The following PODXL variants were observed in gnomAD, a reference collection of about 807,000 sequenced individuals.
PODXL encodes podocalyxin.
Under a neutral mutation model 48.9 loss-of-function variants are expected in PODXL, and 20 were observed. That is an observed-to-expected ratio of 0.41 (90% CI 0.29 to 0.59). The LOEUF (loss-of-function observed/expected upper bound fraction) is 0.59, where lower values mean the gene tolerates loss of function less well. PODXL is among the 20% of genes least tolerant of loss of function. The probability of loss-of-function intolerance (pLI) is 0.31; values close to 1 mark genes in which losing one functional copy is unlikely to be tolerated. For missense variants in PODXL, 606 were observed against 675.1 expected (o/e 0.90, Z 1.13); for synonymous variants, 295 against 287.4 (o/e 1.03, Z -0.27).
intron 1 of PODXL, among the ~76,000 whole-genome samples, chr7:131,521,192 A>C (rs1031596892): frequency 5.8e-4 from 88 of 151,386 alleles, no homozygotes; most frequent in African/African-American, 2.1e-3. Context: ...CCAAAAAGTT[A>C]AGACTTTTCT....
intron 1 of PODXL, among the ~76,000 whole-genome samples, chr7:131,516,974 C>A (rs1346597898): frequency 2.0e-5 from 3 of 152,106 alleles, no homozygotes; most frequent in Non-Finnish European, 4.4e-5. Flanking sequence ...TCTACCTCAG[C>A]CTCCCAAATT....
intron 1 of PODXL, among the ~76,000 whole-genome samples, chr7:131,518,844 G>A (rs1447144760): frequency 6.6e-6 from 1 of 152,170 alleles, no homozygotes; most frequent in Non-Finnish European, 1.5e-5. Flanking sequence ...GATCCACAGC[G>A]CCATCATTAG....
chr7:131,524,781 C>T (rs1798154045), intron 1 of PODXL, among the ~76,000 whole-genome samples: 1 of 152,104 alleles, frequency 6.6e-6, no homozygotes, highest in Non-Finnish European at 1.5e-5. Context: ...CCTATAGTCA[C>T]ATAAAAACCT....
At chr7:131,512,969 T>C (rs552274761) in intron 1 of PODXL, among the ~76,000 whole-genome samples, 8 of 121,972 alleles carry the variant, frequency 6.6e-5, no homozygotes, top group African/African-American at 2.6e-4. Flanking sequence ...CACTTCAGCC[T>C]GGGCGACTGA....
rs1308921073 is a variant in PODXL, at chr7:131,556,469, C to T, written c.-110G>A. On this transcript the variant is annotated 5_prime_UTR_variant, in exon 1 of 9. Transcript: ENST00000378555. ...GCCCGGGGAGGCCTGTGGGTGGCTC[C>T]GGAGGCCAGGCTGTGGCCCGGGGCT... The T allele has an allele frequency of 1.6e-6, 2 of 1,238,966 alleles. No homozygotes were observed. The highest frequency in any genetic ancestry group is 2.0e-6 in the Non-Finnish European group (2 of 983,792). 76.7% of individuals were successfully genotyped at this position (1,238,966 alleles called of 1,614,324 possible). A position where few individuals can be genotyped will look rare whatever the true frequency, so the allele number is the denominator to read the frequency against.
Position 131,556,295 on chromosome 7 carries a change from GACGGCAGCA to G in PODXL, c.56_64del (p.Leu19_Ser22delinsPro). On this transcript the variant is annotated inframe_deletion, in exon 1 of 9. Coordinates refer to ENST00000378555, the MANE Select transcript of PODXL (RefSeq NM_001018111.3). ...GGGCGACGGCGACGGCGACGGCGAC[GACGGCAGCA>G]GCGGCGGCGTTGACAACAGTAGCAG... 6.7e-7 allele frequency: 1 copy of G among 1,499,080 alleles called. No homozygotes were observed. The highest frequency in any genetic ancestry group is 1.3e-5 in the South Asian group (1 of 78,324). 92.9% of individuals were successfully genotyped at this position (1,499,080 alleles called of 1,614,324 possible).
intron 1 of PODXL, among the ~76,000 whole-genome samples, chr7:131,537,457 C>T (rs576301428): frequency 8.5e-5 from 13 of 152,080 alleles, no homozygotes; most frequent in Admixed American, 1.3e-4. Flanking sequence ...CATGGTAGCA[C>T]GTGCCTGTAG....
At chr7:131,532,706 T>G (rs1184368810) in intron 1 of PODXL, among the ~76,000 whole-genome samples, 1 of 151,980 alleles carries the variant, frequency 6.6e-6, no homozygotes, top group African/African-American at 2.4e-5. Flanking sequence ...CCACATCCAG[T>G]GCATATGTGG....
At chr7:131,551,496 A>G (rs1321107864) in intron 1 of PODXL, among the ~76,000 whole-genome samples, 1 of 152,218 alleles carries the variant, frequency 6.6e-6, no homozygotes, top group Non-Finnish European at 1.5e-5. Context: ...TTTCAGCTAG[A>G]GCAAAGCTTG....
intron 1 of PODXL, among the ~76,000 whole-genome samples, chr7:131,533,445 C>T (rs1798315951): frequency 6.6e-6 from 1 of 152,208 alleles, no homozygotes; most frequent in Non-Finnish European, 1.5e-5. Context: ...TTCAGCTGGC[C>T]TGCCCGGCAC....
At position 131,506,559 on chromosome 7, in the gene PODXL, C is replaced by A. The variant is rs1414912690; in HGVS notation, c.1249+20G>T. 1.9e-6 allele frequency: 3 copies of A among 1,612,418 alleles called. No homozygotes were observed. The East Asian group carries it at 6.7e-5, about 36-fold the overall frequency. The stretch of plus-strand genomic sequence containing the variant: ...CCACCCATGCAGGCCCCAGCCCAGG[C>A]CCCCTTGCCCTCCACTCACTGTGAA... On this transcript the variant is annotated intron_variant, in intron 6 of 8. Coordinates refer to ENST00000378555, the MANE Select transcript of PODXL (RefSeq NM_001018111.3).
intron 1 of PODXL, among the ~76,000 whole-genome samples, chr7:131,520,885 AG>A (rs1368681264): frequency 1.3e-5 from 2 of 152,238 alleles, no homozygotes; most frequent in African/African-American, 4.8e-5. Context: ...AAAAGCTGAG[AG>A]GCTGGGCATG....
chr7:131,508,359 G>A (rs1797845581), intron 5 of PODXL, among the ~76,000 whole-genome samples: 1 of 152,194 alleles, frequency 6.6e-6, no homozygotes, highest in Admixed American at 6.5e-5. Flanking sequence ...ATAGTCCACA[G>A]ACCAGGAAAT....
chr7:131,512,210 G>C (rs1797925542), intron 1 of PODXL, among the ~76,000 whole-genome samples: 1 of 152,184 alleles, frequency 6.6e-6, no homozygotes, highest in Non-Finnish European at 1.5e-5. Context: ...GTCATTTCTT[G>C]AGGAAATAGG....
At chr7:131,554,612 C>T (rs976109028) in intron 1 of PODXL, among the ~76,000 whole-genome samples, 1 of 152,196 alleles carries the variant, frequency 6.6e-6, no homozygotes, top group African/African-American at 2.4e-5. Context: ...GGAGTCAGAG[C>T]TTTGCCCACT....
intron 1 of PODXL, among the ~76,000 whole-genome samples, chr7:131,552,030 GC>G: frequency 6.6e-6 from 1 of 151,828 alleles, no homozygotes; most frequent in East Asian, 1.9e-4. Context: ...CCCCACAGAA[GC>G]CTTAACCTTC....
At chr7:131,555,870 G>C (rs1003665052) in intron 1 of PODXL, among the ~76,000 whole-genome samples, 2 of 152,230 alleles carry the variant, frequency 1.3e-5, no homozygotes, top group African/African-American at 4.8e-5. Context: ...ACACACTACA[G>C]CCCCTCATTC....
chr7:131,516,435 A>G (rs973767894), intron 1 of PODXL, among the ~76,000 whole-genome samples: 3 of 152,158 alleles, frequency 2.0e-5, no homozygotes, highest in African/African-American at 7.2e-5. Flanking sequence ...GCTACTCAGG[A>G]GGCTGAGGCA....
Position 131,505,997 on chromosome 7 carries a change from T to A in PODXL, c.1350A>T (p.Pro450=). 6.2e-7 allele frequency: 1 copy of A among 1,612,718 alleles called. No homozygotes were observed. Among genetic ancestry groups the A allele is most frequent in the Non-Finnish European group, 8.5e-7 (1 of 1,179,546 alleles). ...VSDMKLGDQG[P]PEEAEDRFSM... ...TGAAGCGGTCCTCGGCCTCCTCCGG[T>A]GGCCCCTGGTCCCCTAGCTTCATGT... Residue 450 remains proline (P), a synonymous_variant, in exon 8 of 9, where the codon CCA becomes CCT. Coordinates refer to ENST00000378555, the MANE Select transcript of PODXL (RefSeq NM_001018111.3).
Sources: gnomAD v4.1 joint callset for allele counts (sites outside exome capture counted in the v4.1 genomes callset) on GRCh38, gnomAD v4.1.1 for gene constraint, MANE v1.5 for transcripts, NCBI Gene and HGNC (gene_info 2026-07-23, HGNC 2026-07-21) for gene names.